Variants in BABAM2 observed in about 807,000 individuals in gnomAD.
BABAM2 encodes BRISC and BRCA1 A complex member 2, also known as BRISC and BRCA1-A complex member 2.
BABAM2 carries 31 observed loss-of-function variants against 54.7 expected under a neutral mutation model. The ratio of observed to expected loss-of-function variants is 0.57; its 90% CI spans 0.43 to 0.77. The LOEUF (loss-of-function observed/expected upper bound fraction) is 0.77. Ranked by LOEUF, BABAM2 falls within the 30% of genes least tolerant of loss-of-function variation. The pLI is 0.00. For missense variants in BABAM2, 364 were observed against 455.8 expected (o/e 0.80, Z 1.83); for synonymous variants, 167 against 162.9 (o/e 1.03, Z -0.19).
chr2:28,084,983 A>G (rs957779296), intron 6 of BABAM2, among the ~76,000 whole-genome samples: 14 of 152,144 alleles, frequency 9.2e-5, no homozygotes, highest in African/African-American at 3.4e-4. Flanking sequence ...TTTGGGTTTT[A>G]AAAAAACGGA....
At chr2:28,198,256 C>T (rs1036907344) in intron 7 of BABAM2, among the ~76,000 whole-genome samples, 6 of 151,880 alleles carry the variant, frequency 4.0e-5, no homozygotes, top group East Asian at 1.9e-4. Context: ...CTCCGCCTCC[C>T]GGGTTCACGC....
At chr2:28,231,676 A>T (rs1471407650) in intron 7 of BABAM2, among the ~76,000 whole-genome samples, 1 of 149,614 alleles carries the variant, frequency 6.7e-6, no homozygotes. Context: ...TGACCCTTGG[A>T]CAGAGAAGAC....
chr2:28,250,456 T>C (rs1183587929), intron 10 of BABAM2, among the ~76,000 whole-genome samples: 2 of 151,276 alleles, frequency 1.3e-5, no homozygotes, highest in Admixed American at 1.3e-4. Flanking sequence ...TATAGCAACA[T>C]TGCTCCTTGT....
rs999046610 is a variant in BABAM2 at position 28,333,627 on chromosome 2, G to C, written c.1089-4823G>C. 2.0e-5 allele frequency among the ~76,000 whole-genome samples: 3 copies of C among 152,234 alleles called. No individual in the cohort carries two copies. In the East Asian group the frequency reaches 5.8e-4, roughly 29 times the overall value. On this transcript the variant is annotated intron_variant, in intron 11 of 11. Transcript: ENST00000379624. ...GTAATTTTATGAAACCCTGAGCAGA[G>C]AGACTGAGATCAGTGAAGAGGGACT...
intron 7 of BABAM2, among the ~76,000 whole-genome samples, chr2:28,167,531 C>G (rs1321524145): frequency 6.6e-6 from 1 of 151,504 alleles, no homozygotes; most frequent in Non-Finnish European, 1.5e-5. Context: ...CCGTCTCTAC[C>G]AAAAATACAA....
chr2:27,942,534 A>AT (rs544430660), intron 3 of BABAM2, among the ~76,000 whole-genome samples: 176 of 136,024 alleles, frequency 1.3e-3, no homozygotes, highest in Admixed American at 1.8e-3. Context: ...TAATTTTTGC[A>AT]TTTTTTTTTT....
chr2:28,125,615 A>G (rs1201119256), intron 6 of BABAM2, among the ~76,000 whole-genome samples: 1 of 152,204 alleles, frequency 6.6e-6, no homozygotes, highest in African/African-American at 2.4e-5. Context: ...TTTAGAAAAT[A>G]ATCTGTCAAA....
chr2:28,061,208 C>G (rs935230025), intron 6 of BABAM2, among the ~76,000 whole-genome samples: 1 of 151,792 alleles, frequency 6.6e-6, no homozygotes, highest in African/African-American at 2.4e-5. Context: ...GATTTTTGAC[C>G]CAGGTGCAAA....
At position 27,965,967 on chromosome 2, in the gene BABAM2, A is replaced by T. The variant is rs1188794150; in HGVS notation, c.206-22026A>T. On this transcript the variant is annotated intron_variant, in intron 3 of 11. Transcript: ENST00000379624. ...TATTTATTTGTAAAGAAGCTGGGCC[A>T]TTTGTTCTCTAGTTTTCCACAGTTT... Among the ~76,000 whole-genome samples, 4 of 150,112 alleles carry T rather than the reference A, an allele frequency of 2.7e-5. No individual in the cohort carries two copies. In the East Asian group the frequency reaches 7.8e-4, roughly 29 times the overall value.
At chr2:27,926,530 T>C (rs183409857) in intron 2 of BABAM2, among the ~76,000 whole-genome samples, 66 of 152,344 alleles carry the variant, frequency 4.3e-4, no homozygotes, top group Non-Finnish European at 7.1e-4. Flanking sequence ...TCTTTGATCT[T>C]CCAGTGTAAA....
chr2:27,942,664 G>A (rs1668991320), intron 3 of BABAM2, among the ~76,000 whole-genome samples: 1 of 151,500 alleles, frequency 6.6e-6, no homozygotes, highest in South Asian at 2.1e-4. Context: ...CATTGCACCC[G>A]GCCTTGGTTT....
At chr2:28,148,311 G>T (rs1350542690) in intron 7 of BABAM2, among the ~76,000 whole-genome samples, 1 of 152,180 alleles carries the variant, frequency 6.6e-6, no homozygotes, top group East Asian at 1.9e-4. Context: ...AGGTAACCAG[G>T]ACTGTTTATT....
At chr2:28,170,351 A>G (rs1034649331) in intron 7 of BABAM2, among the ~76,000 whole-genome samples, 3 of 151,964 alleles carry the variant, frequency 2.0e-5, no homozygotes, top group African/African-American at 7.2e-5. Flanking sequence ...TGCTTTGTCT[A>G]CTTTTCAAGT....
chr2:28,290,688 C>A (rs574375391), intron 10 of BABAM2, among the ~76,000 whole-genome samples: 1 of 152,176 alleles, frequency 6.6e-6, no homozygotes, highest in Admixed American at 6.6e-5. Context: ...GAATTAAAAT[C>A]ACTTGAGGTG....
At chr2:27,967,984 A>G (rs1240735715) in intron 3 of BABAM2, among the ~76,000 whole-genome samples, 1 of 152,228 alleles carries the variant, frequency 6.6e-6, no homozygotes, top group Non-Finnish European at 1.5e-5. Context: ...AAAGTTTGGA[A>G]AATTTGCAGC....
intron 7 of BABAM2, among the ~76,000 whole-genome samples, chr2:28,198,365 A>T (rs560532691): frequency 7.9e-5 from 12 of 151,978 alleles, no homozygotes; most frequent in South Asian, 2.1e-4. Flanking sequence ...ACGGGGTTTC[A>T]CCATATTAGC....
At chr2:28,055,687 T>G (rs1678349436) in intron 6 of BABAM2, among the ~76,000 whole-genome samples, 3 of 152,160 alleles carry the variant, frequency 2.0e-5, no homozygotes, top group Admixed American at 2.0e-4. Flanking sequence ...GAAAACACAA[T>G]GGAGGTTTCT....
rs1690333479 is a variant in BABAM2, at chr2:28,325,066, G to T, written c.1089-13384G>T. Among the ~76,000 whole-genome samples the T allele has an allele frequency of 6.6e-6, 1 of 151,902 alleles. No homozygotes were observed. The highest frequency in any genetic ancestry group is 2.4e-5 in the African/African-American group (1 of 41,316). On this transcript the variant is annotated intron_variant, in intron 11 of 11. Transcript: ENST00000379624. The surrounding 1 kb of genome is among the most constrained non-coding windows in gnomAD (Gnocchi z 4.3). ...CAGTATATATAACTAAAACAAAAGT[G>T]CCACATACAGTGCACTCTGATTTTA...
At chr2:28,332,513 G>C (rs1691050641) in intron 11 of BABAM2, among the ~76,000 whole-genome samples, 1 of 152,204 alleles carries the variant, frequency 6.6e-6, no homozygotes, top group African/African-American at 2.4e-5. Context: ...GCCCGGGCTA[G>C]AGCTGTGAGT....
Sources: gnomAD v4.1 joint callset for allele counts (sites outside exome capture counted in the v4.1 genomes callset) on GRCh38, gnomAD v4.1.1 for gene constraint, Gnocchi (gnomAD v3.1) non-coding constraint, MANE v1.5 for transcripts, NCBI Gene and HGNC (gene_info 2026-07-23, HGNC 2026-07-21) for gene names.